The following DYNC1I1 variants were observed in gnomAD, a reference collection of about 807,000 sequenced individuals.
The protein encoded by DYNC1I1 is dynein cytoplasmic 1 intermediate chain 1.
In DYNC1I1, 43 loss-of-function variants were observed where a neutral mutation model predicts 86.6. The observed-to-expected ratio is 0.50, with a 90% CI of 0.39 to 0.64. The LOEUF (loss-of-function observed/expected upper bound fraction) is 0.64, where lower values mean the gene tolerates loss of function less well. Among genes scored for constraint, DYNC1I1 ranks in the 30% least tolerant of loss-of-function variants. DYNC1I1 has a pLI of 0.00. For missense variants in DYNC1I1, 604 were observed against 788.8 expected (o/e 0.77, Z 2.81); for synonymous variants, 262 against 283.7 (o/e 0.92, Z 0.77).
In DYNC1I1 at chr7:95,868,459, G is replaced by A. The variant is rs921158678; in HGVS notation, c.375-1424G>A. On this transcript the variant is annotated intron_variant, in intron 5 of 16. Coordinates refer to ENST00000447467, the MANE Select transcript of DYNC1I1 (RefSeq NM_001135556.2). ...AAAAAGAAATAAGGCTGTGCCATCC[G>A]CTAGTAACAATTAAGGACAATAATA... Among the ~76,000 whole-genome samples the A allele has an allele frequency of 2.6e-5, 4 of 151,918 alleles. No homozygotes were observed. The East Asian group carries it at 7.7e-4, about 29-fold the overall frequency.
At chr7:95,845,358 A>G (rs1789397497) in intron 5 of DYNC1I1, among the ~76,000 whole-genome samples, 1 of 152,224 alleles carries the variant, frequency 6.6e-6, no homozygotes, top group Non-Finnish European at 1.5e-5. Context: ...AAATCTAACT[A>G]GGAAAGTTCT....
chr7:96,025,848 G>T (rs952281398), intron 10 of DYNC1I1, among the ~76,000 whole-genome samples: 4 of 151,330 alleles, frequency 2.6e-5, no homozygotes, highest in East Asian at 2.0e-4. Context: ...TGCGGGGGGG[G>T]GATATTTGCT....
At chr7:95,811,129 T>C (rs941009472) in intron 3 of DYNC1I1, among the ~76,000 whole-genome samples, 2 of 152,192 alleles carry the variant, frequency 1.3e-5, no homozygotes, top group Admixed American at 6.6e-5. Flanking sequence ...CCTCATTTTA[T>C]CACTAAAGCT....
At chr7:96,043,650 G>A (rs1789124824) in intron 14 of DYNC1I1, among the ~76,000 whole-genome samples, 1 of 151,746 alleles carries the variant, frequency 6.6e-6, no homozygotes. Flanking sequence ...AACTTTACAA[G>A]GCTACCAGGG....
chr7:95,985,468 A>T (rs1479155494), intron 8 of DYNC1I1, among the ~76,000 whole-genome samples: 1 of 152,172 alleles, frequency 6.6e-6, no homozygotes, highest in South Asian at 2.1e-4. Flanking sequence ...TAGGAAACAT[A>T]TTAATATATG....
chr7:95,880,381 T>G (rs1383726211), intron 6 of DYNC1I1, among the ~76,000 whole-genome samples: 1 of 152,292 alleles, frequency 6.6e-6, no homozygotes. Context: ...GGTGGAATGA[T>G]TTATCCAATT....
chr7:95,871,330 C>A (rs969165497), intron 6 of DYNC1I1, among the ~76,000 whole-genome samples: 1 of 152,016 alleles, frequency 6.6e-6, no homozygotes, highest in Non-Finnish European at 1.5e-5. Flanking sequence ...TGTATATTAA[C>A]GTGGCTGAAA....
At chr7:95,956,540 C>T (rs796655914) in intron 6 of DYNC1I1, among the ~76,000 whole-genome samples, 1 of 152,016 alleles carries the variant, frequency 6.6e-6, no homozygotes, top group Non-Finnish European at 1.5e-5. Flanking sequence ...TCTTGCCCCC[C>T]ACCCCCGACA....
intron 10 of DYNC1I1, among the ~76,000 whole-genome samples, chr7:95,996,890 G>T (rs1793880710): frequency 6.6e-6 from 1 of 152,200 alleles, no homozygotes; most frequent in African/African-American, 2.4e-5. Context: ...CTGAGTGGCA[G>T]ATTACTCTGA....
At chr7:96,067,619 A>G (rs1035081635) in intron 14 of DYNC1I1, among the ~76,000 whole-genome samples, 3 of 152,062 alleles carry the variant, frequency 2.0e-5, no homozygotes, top group African/African-American at 7.2e-5. Context: ...TCATACATTT[A>G]TCCACCAACA....
intron 10 of DYNC1I1, among the ~76,000 whole-genome samples, chr7:96,009,054 C>G (rs970684207): frequency 6.6e-6 from 1 of 152,178 alleles, no homozygotes; most frequent in Non-Finnish European, 1.5e-5. Context: ...GTTTATCTGT[C>G]TATCTAGCAA....
intron 6 of DYNC1I1, among the ~76,000 whole-genome samples, chr7:95,975,546 G>A (rs1288742052): frequency 6.6e-6 from 1 of 152,168 alleles, no homozygotes; most frequent in Non-Finnish European, 1.5e-5. Flanking sequence ...TGGATTAGGT[G>A]CCCTACTCCA....
chr7:96,022,537 C>T (rs747223052), intron 10 of DYNC1I1, among the ~76,000 whole-genome samples: 2 of 151,938 alleles, frequency 1.3e-5, no homozygotes, highest in Non-Finnish European at 2.9e-5. Context: ...CACCCCAGGA[C>T]AGAGACTTAG....
At chr7:95,995,215 C>G (rs1362450806) in intron 9 of DYNC1I1, among the ~76,000 whole-genome samples, 2 of 151,610 alleles carry the variant, frequency 1.3e-5, no homozygotes, top group East Asian at 1.9e-4. Context: ...CCACTGCACT[C>G]CAGCCTGGGC....
chr7:95,777,585 G>A (rs575102013), intron 1 of DYNC1I1, among the ~76,000 whole-genome samples: 4 of 152,206 alleles, frequency 2.6e-5, no homozygotes, highest in South Asian at 4.1e-4. Context: ...TTATTTAAGC[G>A]CTAACAGTTT....
At chr7:95,986,690 T>C (rs1793603978) in intron 8 of DYNC1I1, among the ~76,000 whole-genome samples, 1 of 152,046 alleles carries the variant, frequency 6.6e-6, no homozygotes, top group African/African-American at 2.4e-5. Flanking sequence ...TCTGGTGTGC[T>C]GTGCTCCCTT....
intron 6 of DYNC1I1, among the ~76,000 whole-genome samples, chr7:95,951,383 C>T (rs1288816780): frequency 6.6e-6 from 1 of 152,150 alleles, no homozygotes; most frequent in Admixed American, 6.5e-5. Flanking sequence ...TATGTTCTCA[C>T]AGTCGTGATA....
intron 10 of DYNC1I1, among the ~76,000 whole-genome samples, chr7:96,000,563 A>T (rs1305337033): frequency 6.6e-6 from 1 of 152,212 alleles, no homozygotes; most frequent in Non-Finnish European, 1.5e-5. Flanking sequence ...TGGTGAAATG[A>T]AATGCAGACA....
At chr7:96,030,503 A>C (rs1242939333) in intron 11 of DYNC1I1, among the ~76,000 whole-genome samples, 1 of 151,212 alleles carries the variant, frequency 6.6e-6, no homozygotes, top group Non-Finnish European at 1.5e-5. Context: ...GGGCTGCCAC[A>C]CACACTTTCT....
Sources: allele counts gnomAD v4.1 joint callset (sites outside exome capture counted in the v4.1 genomes callset), GRCh38; gene constraint gnomAD v4.1.1; transcripts MANE v1.5; gene names NCBI Gene and HGNC (gene_info 2026-07-23, HGNC 2026-07-21).